Variants in SATL1 observed in about 807,000 individuals in gnomAD.
SATL1 encodes the protein spermidine/spermine N(1)-acetyltransferase-like protein 1.
Under a neutral mutation model 51.8 loss-of-function variants are expected in SATL1, and 47 were observed. The ratio of observed to expected loss-of-function variants is 0.91; its 90% CI spans 0.72 to 1.16. SATL1 has a LOEUF of 1.16. Among genes scored for constraint, SATL1 ranks in the 50% most tolerant of loss-of-function variants. SATL1 has a pLI of 0.00. For synonymous variants in SATL1, 176 were observed against 182.4 expected, an observed-to-expected ratio of 0.97 and a Z score of 0.28; for missense variants, 520 against 526.4, an observed-to-expected ratio of 0.99 and a Z score of 0.12.
chrX:85,223,595 C>T (rs2147762104), intron 2 of SATL1, among the ~76,000 whole-genome samples: 1 of 110,922 alleles, frequency 9.0e-6, no homozygotes, highest in East Asian at 2.9e-4. Context: ...GAAAGTGGGT[C>T]AGATCTAGGA....
intron 2 of SATL1, among the ~76,000 whole-genome samples, chrX:85,206,012 T>C (rs1927784151): frequency 9.0e-6 from 1 of 111,225 alleles, no homozygotes; most frequent in Non-Finnish European, 1.9e-5. Context: ...ACCATAAATA[T>C]TTTGGTTTGA....
chrX:85,136,061 C>G (rs1018960077), intron 2 of SATL1, among the ~76,000 whole-genome samples: 18 of 109,935 alleles, frequency 1.6e-4, no homozygotes, highest in African/African-American at 5.3e-4. Context: ...AGTTGGTGAC[C>G]AACTATTAAT....
intron 2 of SATL1, among the ~76,000 whole-genome samples, chrX:85,206,774 G>A (rs1375216526): frequency 9.0e-6 from 1 of 111,571 alleles, no homozygotes; most frequent in African/African-American, 3.3e-5. Context: ...TAATAGAAAT[G>A]ATCCAATAGA....
At chrX:85,186,032 G>T (rs769219426) in intron 2 of SATL1, among the ~76,000 whole-genome samples, 69 of 110,099 alleles carry the variant, frequency 6.3e-4, no homozygotes, top group South Asian at 2.0e-3. Flanking sequence ...TAGTTAGCAG[G>T]TGATAAATTC....
chrX:85,206,055 A>C (rs1464046092), intron 2 of SATL1, among the ~76,000 whole-genome samples: 1 of 111,934 alleles, frequency 8.9e-6, no homozygotes, highest in Non-Finnish European at 1.9e-5. Context: ...TGGGAGGCAG[A>C]GCAGGTTTGA....
chrX:85,227,522 C>A (rs757146889), intron 1 of SATL1, among the ~76,000 whole-genome samples: 3 of 111,695 alleles, frequency 2.7e-5, no homozygotes, highest in Non-Finnish European at 5.7e-5. Context: ...AAGTATACAC[C>A]ACCATTTATA....
intron 2 of SATL1, among the ~76,000 whole-genome samples, chrX:85,195,111 T>G (rs1199732703): frequency 9.0e-6 from 1 of 110,894 alleles, no homozygotes; most frequent in Admixed American, 9.6e-5. Flanking sequence ...AGTATGTAGG[T>G]GGAGACATAC....
chrX:85,102,955 G>A (rs2147686571), intron 4 of SATL1, among the ~76,000 whole-genome samples: 1 of 111,384 alleles, frequency 9.0e-6, no homozygotes, highest in Non-Finnish European at 1.9e-5. Context: ...ATCAGGTTAG[G>A]GATGCTCATT....
chrX:85,191,520 T>C (rs1300036954), intron 2 of SATL1, among the ~76,000 whole-genome samples: 1 of 111,354 alleles, frequency 9.0e-6, no homozygotes, highest in East Asian at 2.8e-4. Flanking sequence ...CAATAGAAAA[T>C]CCGTGTATAA....
chrX:85,220,660 A>AAAAC, intron 2 of SATL1, among the ~76,000 whole-genome samples: 1 of 60,800 alleles, frequency 1.6e-5, no homozygotes, highest in Non-Finnish European at 3.1e-5. Context: ...AAAAAAAAAA[A>AAAAC]AAAAAAAAAA....
chrX:85,092,312 C>T lies in SATL1; in HGVS notation c.*79G>A. On this transcript the variant is annotated 3_prime_UTR_variant, in exon 8 of 8. Transcript: ENST00000644105. Reference sequence around the variant, plus strand: ...GATGATCACTTGCTGTATTGTACAACAAAGTCAAACTGCTGTTAGACTCAG... The same window carrying T: ...GATGATCACTTGCTGTATTGTACAATAAAGTCAAACTGCTGTTAGACTCAG... The T allele has an allele frequency of 9.5e-7, 1 of 1,048,533 alleles. No individual in the cohort carries two copies. The highest frequency in any genetic ancestry group is 2.5e-5 in the South Asian group (1 of 39,278). 86.4% of individuals were successfully genotyped at this position (1,048,533 alleles called of 1,213,427 possible).
intron 2 of SATL1, among the ~76,000 whole-genome samples, chrX:85,119,432 C>G (rs1310010496): frequency 1.8e-5 from 2 of 111,802 alleles, no homozygotes; most frequent in Non-Finnish European, 3.8e-5. Flanking sequence ...CCACTGCTCT[C>G]CATCAGATGC....
intron 2 of SATL1, among the ~76,000 whole-genome samples, chrX:85,223,267 A>G (rs770766277): frequency 8.9e-6 from 1 of 111,797 alleles, no homozygotes; most frequent in Non-Finnish European, 1.9e-5. Context: ...CCTTTATCAC[A>G]AAGTTTTTGC....
chrX:85,189,333 A>T lies in SATL1; in HGVS notation c.-313+34872T>A, dbSNP rs140933119. 1.3e-4 allele frequency among the ~76,000 whole-genome samples: 14 copies of T among 111,552 alleles called. No individual in the cohort carries two copies. The East Asian group carries it at 3.4e-3, about 27-fold the overall frequency. ...CCATGCTATCCCTGGTTATATGAGC[A>T]TGACTCCCAAAAAACTTGTTGTAGA... On this transcript the variant is annotated intron_variant, in intron 2 of 7. Coordinates refer to ENST00000644105, the MANE Select transcript of SATL1 (RefSeq NM_001367857.2).
intron 2 of SATL1, among the ~76,000 whole-genome samples, chrX:85,189,149 G>A (rs1927379316): frequency 8.9e-6 from 1 of 111,982 alleles, no homozygotes; most frequent in Admixed American, 9.5e-5. Flanking sequence ...TTGCTGGAAT[G>A]TTCTCTTAAA....
intron 2 of SATL1, among the ~76,000 whole-genome samples, chrX:85,197,428 T>C (rs1045315422): frequency 9.0e-6 from 1 of 111,325 alleles, no homozygotes; most frequent in East Asian, 2.8e-4. Flanking sequence ...CAATAAATGA[T>C]TGTTGGCTGT....
intron 2 of SATL1, among the ~76,000 whole-genome samples, chrX:85,163,308 G>A (rs1436113355): frequency 9.1e-6 from 1 of 110,335 alleles, no homozygotes; most frequent in African/African-American, 3.3e-5. Flanking sequence ...TGCTGGGTTT[G>A]GGTGTAATTT....
chrX:85,162,522 C>T (rs977073084), intron 2 of SATL1, among the ~76,000 whole-genome samples: 1 of 111,064 alleles, frequency 9.0e-6, no homozygotes, highest in Non-Finnish European at 1.9e-5. Flanking sequence ...GATTTGGGTG[C>T]CCTTTATTTC....
intron 1 of SATL1, among the ~76,000 whole-genome samples, chrX:85,240,073 G>A (rs1928556737): frequency 9.0e-6 from 1 of 111,263 alleles, no homozygotes; most frequent in Non-Finnish European, 1.9e-5. Context: ...ATCTGATAAA[G>A]GACTAGTATC....
Sources: gnomAD v4.1 joint callset for allele counts (sites outside exome capture counted in the v4.1 genomes callset) on GRCh38, gnomAD v4.1.1 for gene constraint, MANE v1.5 for transcripts, NCBI Gene and HGNC (gene_info 2026-07-23, HGNC 2026-07-21) for gene names.